Variants in PPP1R1C observed in about 807,000 individuals in gnomAD.
PPP1R1C encodes protein phosphatase 1 regulatory inhibitor subunit 1C, also known as protein phosphatase 1 regulatory subunit 1C.
PPP1R1C carries 15 observed loss-of-function variants against 17.4 expected under a neutral mutation model. The observed-to-expected ratio is 0.86, with a 90% confidence interval of 0.58 to 1.33. The LOEUF (loss-of-function observed/expected upper bound fraction) is 1.33, where lower values mean the gene tolerates loss of function less well. Among genes scored for constraint, PPP1R1C ranks in the 40% most tolerant of loss-of-function variants. PPP1R1C has a pLI of 0.00. For missense variants in PPP1R1C, 143 were observed against 130.0 expected, an observed-to-expected ratio of 1.10 and a Z score of -0.48; for synonymous variants, 35 against 43.1, an observed-to-expected ratio of 0.81 and a Z score of 0.73.
intron 1 of PPP1R1C, among the ~76,000 whole-genome samples, chr2:181,958,745 TC>T (rs1684711227): frequency 6.6e-6 from 1 of 152,230 alleles, no homozygotes; most frequent in Non-Finnish European, 1.5e-5. Flanking sequence ...TATGTACTCT[TC>T]TTTGTCTGTC....
At chr2:182,007,771 T>A (rs970507851) in intron 2 of PPP1R1C, among the ~76,000 whole-genome samples, 4 of 152,094 alleles carry the variant, frequency 2.6e-5, no homozygotes, top group Non-Finnish European at 4.4e-5. Flanking sequence ...TGTATCAAAA[T>A]AGAAATCAAG....
At chr2:182,076,378 G>A (rs1436966293) in intron 4 of PPP1R1C, among the ~76,000 whole-genome samples, 9 of 148,324 alleles carry the variant, frequency 6.1e-5, no homozygotes, top group Non-Finnish European at 1.0e-4. Context: ...TTTTTTGTAT[G>A]AACTTCTATA....
At chr2:182,094,757 A>G (rs1688883085) in intron 4 of PPP1R1C, among the ~76,000 whole-genome samples, 1 of 152,260 alleles carries the variant, frequency 6.6e-6, no homozygotes, top group African/African-American at 2.4e-5. Flanking sequence ...GACCTTGAGC[A>G]GTAGGATATA....
chr2:182,031,901 G>T (rs1175545498), intron 2 of PPP1R1C, among the ~76,000 whole-genome samples: 1 of 152,166 alleles, frequency 6.6e-6, no homozygotes, highest in Admixed American at 6.5e-5. Flanking sequence ...TAAAGAAATT[G>T]TACCATATCT....
At chr2:182,032,350 T>A (rs993178737) in intron 2 of PPP1R1C, among the ~76,000 whole-genome samples, 1 of 152,218 alleles carries the variant, frequency 6.6e-6, no homozygotes, top group East Asian at 1.9e-4. Context: ...GTCTACCATA[T>A]TTAGTTTGCA....
At chr2:181,981,743 G>C (rs1422478130), upstream of PPP1R1C, among the ~76,000 whole-genome samples, 4 of 152,160 alleles carry the variant, frequency 2.6e-5, no homozygotes, top group Non-Finnish European at 5.9e-5. Context: ...TTTGATGGAG[G>C]AAATGAATGA....
chr2:182,048,809 C>T (rs1392086581), intron 2 of PPP1R1C: 1 of 152,218 alleles, frequency 6.6e-6, no homozygotes, highest in Non-Finnish European at 1.5e-5. Flanking sequence ...TACCTTCAAA[C>T]ATGTTAGATA....
intron 2 of PPP1R1C, among the ~76,000 whole-genome samples, chr2:182,008,115 T>A (rs1685984652): frequency 6.6e-6 from 1 of 151,336 alleles, no homozygotes; most frequent in African/African-American, 2.4e-5. Context: ...ATGAAATCAA[T>A]ACTTTTGCAT....
chr2:182,075,880 G>GA (rs553776899), intron 4 of PPP1R1C, among the ~76,000 whole-genome samples: 52 of 152,028 alleles, frequency 3.4e-4, no homozygotes, highest in East Asian at 1.9e-3. Flanking sequence ...GTACTTCTGT[G>GA]AAAAAATATA....
upstream of PPP1R1C, among the ~76,000 whole-genome samples, chr2:181,982,574 C>A (rs1303832754): frequency 1.3e-5 from 2 of 152,044 alleles, no homozygotes; most frequent in Non-Finnish European, 2.9e-5. Flanking sequence ...GGAGAGGGAA[C>A]AAATTGAGTG....
chr2:182,046,612 G>A (rs985890637), intron 2 of PPP1R1C, among the ~76,000 whole-genome samples: 12 of 151,112 alleles, frequency 7.9e-5, no homozygotes, highest in Non-Finnish European at 1.3e-4. Context: ...GGTGGCATGC[G>A]CCTGTGATCC....
intron 2 of PPP1R1C, among the ~76,000 whole-genome samples, chr2:182,055,569 G>T (rs896519000): frequency 6.6e-6 from 1 of 151,978 alleles, no homozygotes; most frequent in Non-Finnish European, 1.5e-5. Flanking sequence ...AATTCTCTTG[G>T]TTTCCTTTGT....
intron 4 of PPP1R1C, among the ~76,000 whole-genome samples, chr2:182,072,247 A>C (rs1011816846): frequency 6.6e-6 from 1 of 152,202 alleles, no homozygotes; most frequent in African/African-American, 2.4e-5. Context: ...CCTTTGTTTT[A>C]TGCCTAATGG....
chr2:181,960,049 A>C (rs996083019), intron 1 of PPP1R1C, among the ~76,000 whole-genome samples: 1 of 152,236 alleles, frequency 6.6e-6, no homozygotes, highest in Non-Finnish European at 1.5e-5. Flanking sequence ...TACAAAATAA[A>C]AGGTAAATAT....
rs1684798033 is a variant in PPP1R1C at position 181,961,728 on chromosome 2, A to T, written n.111+7094A>T. 1 of 862,270 alleles carries T rather than the reference A, an allele frequency of 1.2e-6. No individual in the cohort carries two copies. Among genetic ancestry groups the T allele is most frequent in the African/African-American group, 1.6e-5 (1 of 60,894 alleles). 53.4% of individuals were successfully genotyped at this position (862,270 alleles called of 1,614,324 possible). ...TCAGCTCATCATATTGGGCCCGGATATCTGCTATGATCTTGGCAAGGTCCT... is the reference window on the plus strand; with the variant it reads ...TCAGCTCATCATATTGGGCCCGGATTTCTGCTATGATCTTGGCAAGGTCCT... On this transcript the variant is annotated intron_variant and non_coding_transcript_variant, in intron 1 of 5. Transcript: ENST00000464264. The surrounding 1 kb of genome is among the most constrained non-coding windows in gnomAD (Gnocchi z 5.8).
At chr2:182,063,146 A>G (rs1284551848) in intron 3 of PPP1R1C, among the ~76,000 whole-genome samples, 1 of 152,028 alleles carries the variant, frequency 6.6e-6, no homozygotes, top group Non-Finnish European at 1.5e-5. Context: ...ATGCTTAGGT[A>G]AGAGTGTCAC....
At chr2:182,096,951 G>C (rs1216451969) in intron 4 of PPP1R1C, among the ~76,000 whole-genome samples, 1 of 152,150 alleles carries the variant, frequency 6.6e-6, no homozygotes, top group African/African-American at 2.4e-5. Context: ...TAAACTTTTA[G>C]TCAGAATCAG....
chr2:182,088,814 G>A (rs535407345), intron 4 of PPP1R1C, among the ~76,000 whole-genome samples: 81 of 152,188 alleles, frequency 5.3e-4, no homozygotes, highest in South Asian at 3.5e-3. Flanking sequence ...TTGCTAATAG[G>A]ATTACTAGTA....
At chr2:182,039,005 G>A (rs530204301) in intron 2 of PPP1R1C, among the ~76,000 whole-genome samples, 1 of 152,294 alleles carries the variant, frequency 6.6e-6, no homozygotes, top group East Asian at 1.9e-4. Flanking sequence ...AGTCTGTTAA[G>A]ACACACAGAA....
Sources: allele counts gnomAD v4.1 joint callset (sites outside exome capture counted in the v4.1 genomes callset), GRCh38; gene constraint gnomAD v4.1.1; non-coding constraint Gnocchi (gnomAD v3.1); transcripts MANE v1.5; gene names NCBI Gene and HGNC (gene_info 2026-07-23, HGNC 2026-07-21).